AFG1L: variants seen among roughly 807,000 people sequenced by gnomAD.
AFG1L encodes the protein AFG1-like ATPase.
A neutral mutation model predicts 62.2 loss-of-function variants in AFG1L; 53 were observed. The ratio of observed to expected loss-of-function variants is 0.85; its 90% CI spans 0.68 to 1.07. The LOEUF (loss-of-function observed/expected upper bound fraction) is 1.07, where lower values mean the gene tolerates loss of function less well. Ranked by LOEUF, AFG1L falls within the 50% of genes least tolerant of loss-of-function variation. The pLI, the probability that AFG1L is intolerant of heterozygous loss-of-function variation, is 0.00. For synonymous variants in AFG1L, 228 were observed against 210.3 expected, an observed-to-expected ratio of 1.08 and a Z score of -0.73; for missense variants, 555 against 590.5, an observed-to-expected ratio of 0.94 and a Z score of 0.62.
rs139203278 is a variant in AFG1L at position 108,455,527 on chromosome 6, G to A, written c.890+8231G>A. Among the ~76,000 whole-genome samples, 529 of 151,940 alleles carry A rather than the reference G, an allele frequency of 3.5e-3. 4 individuals carry two copies. Among genetic ancestry groups the A allele is most frequent in the Middle Eastern group, 0.01 (3 of 292 alleles). ...GAACTTTCATTATTTCCTTTCTTCT[G>A]CTTAGTTTGGATTTAATTTGCTCTT... On this transcript the variant is annotated intron_variant, in intron 8 of 12. Transcript: ENST00000368977.
At chr6:108,487,757 C>G (rs1181305679) in intron 10 of AFG1L, among the ~76,000 whole-genome samples, 1 of 152,158 alleles carries the variant, frequency 6.6e-6, no homozygotes, top group African/African-American at 2.4e-5. Context: ...GTATTTCAAC[C>G]ATAATCAGAA....
intron 2 of AFG1L, among the ~76,000 whole-genome samples, chr6:108,346,089 C>CA (rs1778853713): frequency 6.6e-6 from 1 of 152,160 alleles, no homozygotes; most frequent in Non-Finnish European, 1.5e-5. Flanking sequence ...TCGCTGTGGG[C>CA]TACTATGGTT....
intron 7 of AFG1L, among the ~76,000 whole-genome samples, chr6:108,444,131 C>T (rs914341467): frequency 1.3e-5 from 2 of 151,674 alleles, no homozygotes; most frequent in South Asian, 2.1e-4. Flanking sequence ...TTAGAGATAT[C>T]GAGGGTTTGG....
rs952803764 is a variant in AFG1L, at chr6:108,510,789, G to C, written c.1203+437G>C. On this transcript the variant is annotated intron_variant, in intron 11 of 12. Coordinates refer to ENST00000368977, the MANE Select transcript of AFG1L (RefSeq NM_145315.5). The stretch of plus-strand genomic sequence containing the variant: ...TAAATGATTGCACTGATAGAATAAT[G>C]CATGAGCAAGCCAGGTGTGATGGCT... Among the ~76,000 whole-genome samples the C allele has an allele frequency of 1.1e-4, 17 of 152,142 alleles. 1 individual carries two copies. Among genetic ancestry groups the C allele is most frequent in the Non-Finnish European group, 1.5e-5 (1 of 68,016 alleles).
intron 7 of AFG1L, among the ~76,000 whole-genome samples, chr6:108,418,349 T>C (rs1770421494): frequency 6.6e-6 from 1 of 152,176 alleles, no homozygotes; most frequent in South Asian, 2.1e-4. Flanking sequence ...GTTGCAGAGT[T>C]GAGTGGCTGC....
intron 6 of AFG1L, among the ~76,000 whole-genome samples, chr6:108,379,013 T>C: frequency 7.0e-6 from 1 of 142,888 alleles, no homozygotes; most frequent in African/African-American, 2.6e-5. Flanking sequence ...TTTTTTTTTT[T>C]TTTTTTTGGA....
chr6:108,315,854 C>A (rs1408210386), intron 1 of AFG1L, among the ~76,000 whole-genome samples: 3 of 152,072 alleles, frequency 2.0e-5, no homozygotes, highest in African/African-American at 4.8e-5. Context: ...TTAAGACCAG[C>A]CTGGGCAACA....
intron 7 of AFG1L, among the ~76,000 whole-genome samples, chr6:108,414,862 A>G (rs768776595): frequency 4.7e-4 from 72 of 152,226 alleles, no homozygotes; most frequent in Non-Finnish European, 9.4e-4. Flanking sequence ...AACTGGCACA[A>G]GACAGGGATG....
chr6:108,510,782 G>A (rs1421024824), intron 11 of AFG1L, among the ~76,000 whole-genome samples: 1 of 152,176 alleles, frequency 6.6e-6, no homozygotes, highest in Admixed American at 6.5e-5. Context: ...TGCACTGATA[G>A]AATAATGCAT....
intron 1 of AFG1L, among the ~76,000 whole-genome samples, chr6:108,304,051 G>A (rs369787105): frequency 3.9e-5 from 6 of 152,098 alleles, no homozygotes; most frequent in African/African-American, 1.4e-4. Flanking sequence ...GCACATTTAA[G>A]ATTAACTAGC....
intron 8 of AFG1L, among the ~76,000 whole-genome samples, chr6:108,448,487 GT>G (rs146011899): frequency 2.0e-5 from 3 of 149,108 alleles, no homozygotes; most frequent in Non-Finnish European, 4.5e-5. Context: ...CTTGTTCTCT[GT>G]TTTTTTTCAA....
At chr6:108,437,661 T>C (rs776956334) in intron 7 of AFG1L, among the ~76,000 whole-genome samples, 9 of 152,214 alleles carry the variant, frequency 5.9e-5, no homozygotes, top group Non-Finnish European at 2.9e-5. Context: ...ATCTCATACA[T>C]GGTCTTGGAC....
At chr6:108,501,543 G>C (rs1263270912) in intron 10 of AFG1L, among the ~76,000 whole-genome samples, 1 of 152,184 alleles carries the variant, frequency 6.6e-6, no homozygotes, top group African/African-American at 2.4e-5. Flanking sequence ...TCCAATGCAG[G>C]CTGACAAGGA....
chr6:108,524,788 G>A lies in AFG1L; in HGVS notation c.*2363G>A, dbSNP rs1775263564. On this transcript the variant is annotated 3_prime_UTR_variant, in exon 13 of 13. Coordinates refer to ENST00000368977, the MANE Select transcript of AFG1L (RefSeq NM_145315.5). ...GAGGGGAGGGAGTTCCATGGTGGCT[G>A]GAAATCTCCAAAGCTGGTTTCATAA... The A allele has an allele frequency of 6.6e-6, 1 of 152,220 alleles. No homozygotes were observed. Among genetic ancestry groups the A allele is most frequent in the African/African-American group, 2.4e-5 (1 of 41,518 alleles). 9.4% of individuals were successfully genotyped at this position (152,220 alleles called of 1,614,324 possible).
chr6:108,389,263 G>A (rs1216497129), intron 6 of AFG1L, among the ~76,000 whole-genome samples: 44 of 152,150 alleles, frequency 2.9e-4, no homozygotes, highest in African/African-American at 9.6e-4. Context: ...TTTTGAGCCT[G>A]TGTGTGTCTC....
intron 8 of AFG1L, among the ~76,000 whole-genome samples, chr6:108,473,471 A>T (rs573155299): frequency 2.8e-4 from 42 of 152,362 alleles, no homozygotes; most frequent in African/African-American, 1.0e-3. Context: ...AGGAAAGATT[A>T]ACTTTCTAAA....
intron 11 of AFG1L, among the ~76,000 whole-genome samples, chr6:108,514,953 C>A (rs1156793416): frequency 4.6e-5 from 7 of 152,204 alleles, no homozygotes; most frequent in Admixed American, 2.0e-4. Flanking sequence ...GCTAACTCTT[C>A]TAAATATATA....
Position 108,314,962 on chromosome 6 carries a change from A to G in AFG1L, c.140-8863A>G, listed in dbSNP as rs544818096. ...CAAGTGATTCTTGTGCTGCAGCCAC[A>G]TGAGTAGATGGGGTTACAGGCATGC... On this transcript the variant is annotated intron_variant, in intron 1 of 12. Coordinates refer to ENST00000368977, the MANE Select transcript of AFG1L (RefSeq NM_145315.5). Among the ~76,000 whole-genome samples the G allele has an allele frequency of 3.3e-5, 5 of 152,140 alleles. No homozygotes were observed. In the South Asian group the frequency reaches 8.3e-4, roughly 25 times the overall value.
At chr6:108,441,713 AT>A (rs751655905) in intron 7 of AFG1L, among the ~76,000 whole-genome samples, 2,509 of 100,314 alleles carry the variant, frequency 0.025, 44 homozygotes, top group African/African-American at 0.093. Context: ...AAAAAAAAAA[AT>A]ATATATATAT....
Sources: gnomAD v4.1 joint callset for allele counts (sites outside exome capture counted in the v4.1 genomes callset) on GRCh38, gnomAD v4.1.1 for gene constraint, MANE v1.5 for transcripts, NCBI Gene and HGNC (gene_info 2026-07-23, HGNC 2026-07-21) for gene names.